ANO3: variants seen among roughly 807,000 people sequenced by gnomAD.
The protein encoded by ANO3 is anoctamin-3.
ANO3 carries 99 observed loss-of-function variants against 144.8 expected under a neutral mutation model. That is an observed-to-expected ratio of 0.68 (90% CI 0.58 to 0.81). The LOEUF (loss-of-function observed/expected upper bound fraction) is 0.81, where lower values mean the gene tolerates loss of function less well. ANO3 is among the 30% of genes least tolerant of loss of function. ANO3 has a pLI of 0.00. For synonymous variants in ANO3, 414 were observed against 392.6 expected, an observed-to-expected ratio of 1.05 and a Z score of -0.64; for missense variants, 905 against 1,202.2, an observed-to-expected ratio of 0.75 and a Z score of 3.66.
In ANO3 at chr11:26,527,368, T is replaced by G. The variant is rs184109752; in HGVS notation, c.737+1689T>G. Among the ~76,000 whole-genome samples the G allele has an allele frequency of 8.4e-4, 128 of 152,280 alleles. 1 individual carries two copies. The highest frequency in any genetic ancestry group is 7.7e-3 in the Admixed American group (117 of 15,290). On this transcript the variant is annotated intron_variant, in intron 7 of 26. Transcript: ENST00000256737. ...CATTTATTCCAAATGATTATTAAAA[T>G]ATCTTGAACCTTACTCTAGCCCACC...
intron 1 of ANO3, among the ~76,000 whole-genome samples, chr11:26,194,439 G>GGTGTGTGTGTGTGTGT (rs1161631402): frequency 9.9e-5 from 6 of 60,610 alleles, no homozygotes; most frequent in Non-Finnish European, 1.8e-4. Flanking sequence ...GGTACATAGT[G>GGTGTGTGTGTGTGTGT]GTGTGTGTGT....
chr11:26,242,462 C>T (rs1472907494), intron 1 of ANO3, among the ~76,000 whole-genome samples: 1 of 152,188 alleles, frequency 6.6e-6, no homozygotes, highest in Non-Finnish European at 1.5e-5. Flanking sequence ...AAAGAATTTT[C>T]CATATCCCCT....
At chr11:26,612,782 A>G (rs1852136294) in intron 17 of ANO3, among the ~76,000 whole-genome samples, 1 of 151,726 alleles carries the variant, frequency 6.6e-6, no homozygotes, top group South Asian at 2.1e-4. Context: ...TTATTGCCGG[A>G]CAGATTTTTT....
At chr11:26,298,502 G>T (rs1854144390) in intron 1 of ANO3, among the ~76,000 whole-genome samples, 1 of 152,170 alleles carries the variant, frequency 6.6e-6, no homozygotes. Context: ...GCCAAGCAAG[G>T]TTATTTCAGG....
At chr11:26,353,424 T>TAGCA (rs1387494427) in intron 1 of ANO3, among the ~76,000 whole-genome samples, 1 of 152,224 alleles carries the variant, frequency 6.6e-6, no homozygotes, top group Non-Finnish European at 1.5e-5. Context: ...GTGGAACTGC[T>TAGCA]GCCTGGAGTT....
intron 1 of ANO3, among the ~76,000 whole-genome samples, chr11:26,369,906 C>G (rs896462233): frequency 6.6e-6 from 1 of 152,076 alleles, no homozygotes; most frequent in Non-Finnish European, 1.5e-5. Context: ...TTCCTGAACC[C>G]TGCTGAGTAT....
chr11:26,641,886 T>C lies in ANO3; in HGVS notation c.2142-10T>C, dbSNP rs953705057. On this transcript the variant is annotated splice_polypyrimidine_tract_variant and intron_variant, in intron 21 of 26. Coordinates refer to ENST00000256737, the MANE Select transcript of ANO3 (RefSeq NM_031418.4). The stretch of plus-strand genomic sequence containing the variant: ...GAGCTCAAAAGTCCTTGGTCTGCTC[T>C]GTGATGTAGGTTGATCCAGAACTGG... 3.1e-6 allele frequency: 5 copies of C among 1,613,610 alleles called. No homozygotes were observed. The highest frequency in any genetic ancestry group is 4.2e-6 in the Non-Finnish European group (5 of 1,179,830).
intron 1 of ANO3, among the ~76,000 whole-genome samples, chr11:26,245,450 C>A (rs969404820): frequency 2.6e-5 from 4 of 152,154 alleles, no homozygotes; most frequent in Non-Finnish European, 5.9e-5. Flanking sequence ...CCTTTTAATT[C>A]TATCATTCCT....
In ANO3 at chr11:26,612,803, G is replaced by A. The variant is rs866811539; in HGVS notation, c.1837-11659G>A. 1.8e-4 allele frequency among the ~76,000 whole-genome samples: 28 copies of A among 151,814 alleles called. 1 individual carries two copies. Among genetic ancestry groups the A allele is most frequent in the Middle Eastern group, 3.4e-3 (1 of 294 alleles). Reference sequence around the variant, plus strand: ...CCGGACAGATTTTTTTTTCCTTTCAGCACTTTAAATATAACAACCCATTTT... The same window carrying A: ...CCGGACAGATTTTTTTTTCCTTTCAACACTTTAAATATAACAACCCATTTT... On this transcript the variant is annotated intron_variant, in intron 17 of 26. Coordinates refer to ENST00000256737, the MANE Select transcript of ANO3 (RefSeq NM_031418.4).
chr11:26,443,816 A>C lies in ANO3; in HGVS notation c.293A>C (p.Asp98Ala), dbSNP rs889402542. 13 of 1,611,802 alleles carry C rather than the reference A, an allele frequency of 8.1e-6. No individual in the cohort carries two copies. The African/African-American group carries it at 1.5e-4, about 18-fold the overall frequency. ...TCTGTGCTGAGATGTTCATTTGCTG[A>C]CCTCAGCGATTTTTGTTTGGGTAAG... ...NDSVLRCSFA[D>A]LSDFCLALGK... Residue 98 changes from aspartate to alanine, a missense_variant, in exon 3 of 27, where the codon GAC becomes GCC. By Grantham distance (126) the Asp-to-Ala change is moderately radical. Transcript: ENST00000256737.
chr11:26,246,362 G>C (rs1399595071), intron 1 of ANO3, among the ~76,000 whole-genome samples: 1 of 151,254 alleles, frequency 6.6e-6, no homozygotes, highest in Non-Finnish European at 1.5e-5. Context: ...GTGTCAAAAA[G>C]GATCTGTTAA....
Position 26,422,165 on chromosome 11 carries a change from G to A in ANO3, c.47-19753G>A, listed in dbSNP as rs183058936. Among the ~76,000 whole-genome samples, 103 of 152,162 alleles carry A rather than the reference G, an allele frequency of 6.8e-4. 1 individual carries two copies. The highest frequency in any genetic ancestry group is 5.9e-5 in the Non-Finnish European group (4 of 67,982). On this transcript the variant is annotated intron_variant, in intron 1 of 26. Transcript: ENST00000256737. The stretch of plus-strand genomic sequence containing the variant: ...GCTTTTCTTCATGTTTCCTTAGGAT[G>A]AGTTAATTTTCTTGATGAGAAATTT...
Position 26,516,415 on chromosome 11 carries a change from AG to A in ANO3, c.592-411del, listed in dbSNP as rs563661559. Reference sequence around the variant, plus strand: ...TAGTAGGTACTCAGTAAAATGTGGTAGAAAAATTAGTGAACTAGTTAATAAA... The same window carrying A: ...TAGTAGGTACTCAGTAAAATGTGGTAAAAAATTAGTGAACTAGTTAATAAA... On this transcript the variant is annotated intron_variant, in intron 5 of 26. Coordinates refer to ENST00000256737, the MANE Select transcript of ANO3 (RefSeq NM_031418.4). Among the ~76,000 whole-genome samples the A allele has an allele frequency of 2.9e-3, 446 of 151,892 alleles. 1 individual carries two copies. Among genetic ancestry groups the A allele is most frequent in the African/African-American group, 1.0e-2 (414 of 41,494 alleles).
chr11:26,503,336 T>C (rs1861275638), intron 4 of ANO3, among the ~76,000 whole-genome samples: 1 of 152,138 alleles, frequency 6.6e-6, no homozygotes, highest in African/African-American at 2.4e-5. Flanking sequence ...ACCAAACAAT[T>C]CAAGAAGCTG....
intron 1 of ANO3, among the ~76,000 whole-genome samples, chr11:26,440,939 G>A (rs999935547): frequency 1.3e-5 from 2 of 151,928 alleles, no homozygotes; most frequent in Non-Finnish European, 2.9e-5. Flanking sequence ...AGACAGGGAA[G>A]TGGAGCCATT....
chr11:26,412,795 A>AGTAAGTGTGTGT (rs1554950995), intron 1 of ANO3, among the ~76,000 whole-genome samples: 3 of 140,130 alleles, frequency 2.1e-5, no homozygotes, highest in Non-Finnish European at 3.1e-5. Context: ...GAGAAAGGAA[A>AGTAAGTGTGTGT]GTGTGTGTGT....
Position 26,422,145 on chromosome 11 carries a change from T to C in ANO3, c.47-19773T>C, listed in dbSNP as rs193204475. 5.3e-5 allele frequency among the ~76,000 whole-genome samples: 8 copies of C among 152,170 alleles called. No individual in the cohort carries two copies. The East Asian group carries it at 1.5e-3, about 29-fold the overall frequency. On this transcript the variant is annotated intron_variant, in intron 1 of 26. Transcript: ENST00000256737. The stretch of plus-strand genomic sequence containing the variant: ...TTATGTAAAATAACATATGAGCTTT[T>C]CTTCATGTTTCCTTAGGATGAGTTA...
At chr11:26,214,295 G>T (rs1851994274) in intron 1 of ANO3, among the ~76,000 whole-genome samples, 1 of 151,730 alleles carries the variant, frequency 6.6e-6, no homozygotes, top group Non-Finnish European at 1.5e-5. Flanking sequence ...GTTAAGACTT[G>T]GCAGTGTATT....
chr11:26,213,645 A>G (rs1156945882), intron 1 of ANO3, among the ~76,000 whole-genome samples: 1 of 152,178 alleles, frequency 6.6e-6, no homozygotes, highest in East Asian at 1.9e-4. Flanking sequence ...AACAAATGGA[A>G]AGACATTCAA....
Sources: gnomAD v4.1 joint callset for allele counts (sites outside exome capture counted in the v4.1 genomes callset) on GRCh38, gnomAD v4.1.1 for gene constraint, MANE v1.5 for transcripts, NCBI Gene and HGNC (gene_info 2026-07-23, HGNC 2026-07-21) for gene names.